Variants in MED17 observed in about 807,000 individuals in gnomAD.
The protein encoded by MED17 is mediator of RNA polymerase II transcription subunit 17.
Under a neutral mutation model 80.8 loss-of-function variants are expected in MED17, and 49 were observed. The ratio of observed to expected loss-of-function variants is 0.61; its 90% CI spans 0.48 to 0.77. The LOEUF (loss-of-function observed/expected upper bound fraction) is 0.77. Among genes scored for constraint, MED17 ranks in the 30% least tolerant of loss-of-function variants. The pLI, the probability that MED17 is intolerant of heterozygous loss-of-function variation, is 0.00. For synonymous variants in MED17, 281 were observed against 280.4 expected (o/e 1.00, Z -0.02); for missense variants, 718 against 787.0 (o/e 0.91, Z 1.05).
rs1359491022 is a variant in MED17, at chr11:93,784,476, C to T, written c.-38C>T. The T allele has an allele frequency of 1.9e-6, 3 of 1,571,654 alleles. No homozygotes were observed. The highest frequency in any genetic ancestry group is 2.3e-5 in the East Asian group (1 of 44,126). ...CCTCTTCGTACCTCGTTTTTTGGCT[C>T]GTGGGGGGTCCTCCCACCGCTGGCC... On this transcript the variant is annotated 5_prime_UTR_variant, in exon 1 of 12. Coordinates refer to ENST00000251871, the MANE Select transcript of MED17 (RefSeq NM_004268.5).
chr11:93,797,575 C>G lies in MED17; in HGVS notation c.1184C>G (p.Pro395Arg). 1 of 1,614,118 alleles carries G rather than the reference C, an allele frequency of 6.2e-7. No individual in the cohort carries two copies. The highest frequency in any genetic ancestry group is 8.5e-7 in the Non-Finnish European group (1 of 1,179,994). ...QTLSSIMMPH[P>R]ASAPFGHKRM... ...TTGAGTTCCATCATGATGCCTCATC[C>G]AGCAAGTGCACCTTTTGGCCACAAG... The change falls in exon 8 of 12, where the codon CCA becomes CGA. Residue 395 changes from proline to arginine, a missense_variant. Coordinates refer to ENST00000251871, the MANE Select transcript of MED17 (RefSeq NM_004268.5).
chr11:93,794,198 A>AG lies in MED17; in HGVS notation c.859+163_859+164insG, dbSNP rs1229001796. On this transcript the variant is annotated intron_variant, in intron 5 of 11. Coordinates refer to ENST00000251871, the MANE Select transcript of MED17 (RefSeq NM_004268.5). ...ATAAACTATTAGTGAATAGCTGTGC[A>AG]ATTTTTTTTTTTTTTTTTTTTTTGA... 1.1e-5 allele frequency: 5 copies of AG among 458,500 alleles called. No individual in the cohort carries two copies. The African/African-American group carries it at 1.3e-4, about 12-fold the overall frequency. The allele number at this position is 458,500 out of a possible 1,614,324, so 28.4% of individuals were successfully genotyped here.
In MED17 at chr11:93,797,559, A is replaced by G. The variant is rs1457098753; in HGVS notation, c.1168A>G (p.Ile390Val). 10 of 1,614,160 alleles carry G rather than the reference A, an allele frequency of 6.2e-6. No individual in the cohort carries two copies. The highest frequency in any genetic ancestry group is 7.6e-6 in the Non-Finnish European group (9 of 1,180,000). ...GTTTCATAAACAGACCTTGAGTTCC[A>G]TCATGATGCCTCATCCAGCAAGTGC... ...REFHKQTLSS[I>V]MMPHPASAPF... Residue 390 changes from isoleucine to valine, a missense_variant, in exon 8 of 12, where the codon ATC becomes GTC. By Grantham distance (29) the Ile-to-Val change is conservative. Transcript: ENST00000251871.
chr11:93,790,253 T>C, intron 2 of MED17: 2 of 453,434 alleles, frequency 4.4e-6, no homozygotes, highest in Non-Finnish European at 8.5e-6. Flanking sequence ...TATGTGTGTA[T>C]GTACAGGATA....
rs145681040 is a variant in MED17, at chr11:93,784,489, C to G, written c.-25C>G. The G allele has an allele frequency of 1.3e-6, 2 of 1,586,578 alleles. No homozygotes were observed. The highest frequency in any genetic ancestry group is 1.7e-6 in the Non-Finnish European group (2 of 1,164,354). On this transcript the variant is annotated 5_prime_UTR_variant, in exon 1 of 12. Transcript: ENST00000251871. ...CGTTTTTTGGCTCGTGGGGGGTCCT[C>G]CCACCGCTGGCCGACGCAGCCAGCA...
At chr11:93,794,278 C>T in intron 5 of MED17, 1 of 383,756 alleles carries the variant, frequency 2.6e-6, no homozygotes. Flanking sequence ...AGTCTCGGCT[C>T]ACCGCAACGT....
In MED17 at chr11:93,794,904, T is replaced by C; in HGVS notation, c.860-4T>C. 1.9e-6 allele frequency: 3 copies of C among 1,614,072 alleles called. No individual in the cohort carries two copies. In the South Asian group the frequency reaches 3.3e-5, roughly 18 times the overall value. Reference sequence around the variant, plus strand: ...AATTGATACATATATTTCTTGTCTTTCAGGTTCCCCACATTGGCAGACAAA... The same window carrying C: ...AATTGATACATATATTTCTTGTCTTCCAGGTTCCCCACATTGGCAGACAAA... On this transcript the variant is annotated splice_polypyrimidine_tract_variant and splice_region_variant and intron_variant, in intron 5 of 11. Coordinates refer to ENST00000251871, the MANE Select transcript of MED17 (RefSeq NM_004268.5).
At chr11:93,806,173 C>T (rs1944023470) in intron 9 of MED17, 1 of 151,884 alleles carries the variant, frequency 6.6e-6, no homozygotes. Flanking sequence ...GGGGTTTCAC[C>T]ATGTTGGCCA....
chr11:93,800,505 T>A (rs1440006414), intron 8 of MED17, among the ~76,000 whole-genome samples: 1 of 151,928 alleles, frequency 6.6e-6, no homozygotes, highest in Non-Finnish European at 1.5e-5. Context: ...GGCACACGCC[T>A]GTAGTCCCAG....
At chr11:93,787,090 T>C (rs2135708764) in intron 1 of MED17, among the ~76,000 whole-genome samples, 1 of 152,162 alleles carries the variant, frequency 6.6e-6, no homozygotes, top group South Asian at 2.1e-4. Context: ...AATAGATGTA[T>C]GTAAGTGCAT....
intron 3 of MED17, 135 bp from the exon 4 acceptor site, chr11:93,793,593 C>T (rs1367979883): frequency 2.9e-6 from 2 of 693,178 alleles, no homozygotes; most frequent in Non-Finnish European, 4.9e-6. Context: ...CCCTTTTCCC[C>T]CAAAACATAT....
chr11:93,804,010 T>TACAC (rs1943995241), intron 9 of MED17, among the ~76,000 whole-genome samples: 2 of 19,460 alleles, frequency 1.0e-4, no homozygotes, highest in Non-Finnish European at 3.0e-4. Context: ...TATATATATA[T>TACAC]ATATATATAT....
At chr11:93,785,178 C>A (rs1366303092) in intron 1 of MED17, among the ~76,000 whole-genome samples, 1 of 152,202 alleles carries the variant, frequency 6.6e-6, no homozygotes, top group Non-Finnish European at 1.5e-5. Context: ...GAAAAGAGGT[C>A]TGTTTTGACT....
rs559250409 is a variant in MED17 at position 93,814,452 on chromosome 11, C to T, written c.*2388C>T. The T allele has an allele frequency of 2.3e-4, 35 of 152,290 alleles. 1 individual carries two copies. The highest frequency in any genetic ancestry group is 7.7e-4 in the African/African-American group (32 of 41,574). The allele number at this position is 152,290 out of a possible 1,614,324, so 9.4% of individuals were successfully genotyped here. ...CAATTAGCCCCTCAACAAGTATTAA[C>T]AGGTTGGCAAGGAGCTGTGTTTGAA... is the stretch of plus-strand genomic sequence containing the variant. On this transcript the variant is annotated 3_prime_UTR_variant, in exon 12 of 12. Coordinates refer to ENST00000251871, the MANE Select transcript of MED17 (RefSeq NM_004268.5).
chr11:93,800,030 A>G (rs757882729), intron 8 of MED17, among the ~76,000 whole-genome samples: 45 of 152,310 alleles, frequency 3.0e-4, no homozygotes, highest in Non-Finnish European at 4.7e-4. Flanking sequence ...ATAATATCCT[A>G]TAATGTAAAT....
chr11:93,801,568 G>C, intron 8 of MED17: 1 of 414,672 alleles, frequency 2.4e-6, no homozygotes, highest in Admixed American at 3.8e-5. Flanking sequence ...AATGAATAGA[G>C]TTAAAGGGAA....
chr11:93,788,943 T>G (rs931482668), intron 2 of MED17: 1 of 152,116 alleles, frequency 6.6e-6, no homozygotes, highest in African/African-American at 2.4e-5. Context: ...ATTAGAAAAG[T>G]TAGGCGAAAT....
At chr11:93,796,566 C>T (rs774219794) in intron 7 of MED17, 26 bp downstream of exon 7, 14 of 1,612,618 alleles carry the variant, frequency 8.7e-6, no homozygotes, top group African/African-American at 2.7e-5. Context: ...TTTTTCTTTG[C>T]GCTGTGGTGA....
intron 8 of MED17, among the ~76,000 whole-genome samples, chr11:93,799,541 C>T (rs1943939995): frequency 6.6e-6 from 1 of 152,048 alleles, no homozygotes; most frequent in African/African-American, 2.4e-5. Flanking sequence ...ACTCAGCACT[C>T]AGGGAGGCTG....
Sources: allele counts gnomAD v4.1 joint callset (sites outside exome capture counted in the v4.1 genomes callset), GRCh38; gene constraint gnomAD v4.1.1; transcripts MANE v1.5; gene names NCBI Gene and HGNC (gene_info 2026-07-23, HGNC 2026-07-21).